Variants in PLA2R1 observed in about 807,000 individuals in gnomAD.
PLA2R1 encodes secretory phospholipase A2 receptor.
A neutral mutation model predicts 195.9 loss-of-function variants in PLA2R1; 158 were observed. The observed-to-expected ratio is 0.81, with a 90% CI of 0.71 to 0.92. PLA2R1 has a LOEUF of 0.92. Ranked by LOEUF, PLA2R1 falls within the 40% of genes least tolerant of loss-of-function variation. PLA2R1 has a pLI of 0.00. For synonymous variants in PLA2R1, 586 were observed against 598.2 expected, an observed-to-expected ratio of 0.98 and a Z score of 0.30; for missense variants, 1,626 against 1,764.6, an observed-to-expected ratio of 0.92 and a Z score of 1.41.
At chr2:160,041,569 C>T (rs1056194126) in intron 3 of PLA2R1, among the ~76,000 whole-genome samples, 1 of 152,138 alleles carries the variant, frequency 6.6e-6, no homozygotes, top group African/African-American at 2.4e-5. Flanking sequence ...TTAGAAAGAT[C>T]ATCAAGGGGC....
At position 159,933,460 on chromosome 2, in the gene PLA2R1, T is replaced by G. The variant is rs1288826406; in HGVS notation, c.*8318A>C. On this transcript the variant is annotated 3_prime_UTR_variant, in exon 30 of 30. Transcript: ENST00000283243. ...CTAACATTTCCTACAATTTAATACA[T>G]ATCACTTATCTTGTTAAGCCTTTCT... 6.6e-6 allele frequency: 1 copy of G among 152,194 alleles called. No individual in the cohort carries two copies. The highest frequency in any genetic ancestry group is 1.9e-4 in the East Asian group (1 of 5,196). 9.4% of individuals were successfully genotyped at this position (152,194 alleles called of 1,614,324 possible).
Position 160,033,062 on chromosome 2 carries a change from G to T in PLA2R1, c.738C>A (p.Asn246Lys). The part of the protein sequence containing the change: ...DLNSHICYQF[N>K]LLSSLSWSEA... ...CACTCCAAGAGAGAGATGAAAGCAG[G>T]TTGAACTGGTAGCAAATGTGTGAAT... Residue 246 changes from asparagine (N) to lysine (K), a missense_variant, in exon 4 of 30, where the codon AAC becomes AAA. Coordinates refer to ENST00000283243, the MANE Select transcript of PLA2R1 (RefSeq NM_007366.5). 3 of 1,613,394 alleles carry T rather than the reference G, an allele frequency of 1.9e-6. No individual in the cohort carries two copies. The highest frequency in any genetic ancestry group is 1.7e-6 in the Non-Finnish European group (2 of 1,179,518).
intron 12 of PLA2R1, among the ~76,000 whole-genome samples, chr2:159,986,589 CT>C (rs113333927): frequency 0.056 from 7,900 of 142,098 alleles, 212 homozygotes; most frequent in Non-Finnish European, 0.074. Context: ...CTTTTCTTTC[CT>C]TTTTTTTTTT....
At chr2:160,030,010 G>A (rs777320626) in intron 4 of PLA2R1, among the ~76,000 whole-genome samples, 2 of 152,124 alleles carry the variant, frequency 1.3e-5, no homozygotes, top group Non-Finnish European at 2.9e-5. Flanking sequence ...GAAAACTCAT[G>A]GTTCATGCTG....
chr2:160,061,615 A>T (rs2105734449), intron 1 of PLA2R1, among the ~76,000 whole-genome samples: 1 of 152,164 alleles, frequency 6.6e-6, no homozygotes, highest in East Asian at 1.9e-4. Context: ...CTCCACCAAA[A>T]ATACAAAAAT....
chr2:159,996,405 T>C (rs972531627), intron 11 of PLA2R1, among the ~76,000 whole-genome samples: 10 of 152,132 alleles, frequency 6.6e-5, no homozygotes, highest in South Asian at 2.1e-4. Flanking sequence ...AGCAGTCAGA[T>C]ATAATTCTAA....
At chr2:159,973,866 A>C (rs1689358275) in intron 17 of PLA2R1, among the ~76,000 whole-genome samples, 1 of 152,104 alleles carries the variant, frequency 6.6e-6, no homozygotes, top group African/African-American at 2.4e-5. Context: ...ATTTTGCCAT[A>C]TAAGGCACCA....
intron 1 of PLA2R1, among the ~76,000 whole-genome samples, chr2:160,045,986 C>T (rs34248629): frequency 0.3 from 45,913 of 152,138 alleles, 8,728 homozygotes; most frequent in Non-Finnish European, 0.42. Flanking sequence ...GTGAGTTTCC[C>T]GTGGAAAAGC....
chr2:159,976,612 A>G (rs1689573353), intron 16 of PLA2R1, 73 bp downstream of exon 16: 2 of 908,966 alleles, frequency 2.2e-6, no homozygotes, highest in Non-Finnish European at 3.6e-6. Flanking sequence ...ACAACACATT[A>G]ATGGTATATA....
chr2:160,013,449 C>G, intron 9 of PLA2R1, 74 bp from the exon 10 acceptor site: 1 of 773,012 alleles, frequency 1.3e-6, no homozygotes, highest in South Asian at 1.7e-5. Context: ...TTTGCATACT[C>G]TTTTACCACC....
chr2:159,985,218 G>A lies in PLA2R1; in HGVS notation c.2038-1145C>T, dbSNP rs941895028. On this transcript the variant is annotated intron_variant, in intron 12 of 29. Coordinates refer to ENST00000283243, the MANE Select transcript of PLA2R1 (RefSeq NM_007366.5). ...TCTAAGGTTTAACTTATTAATGGGC[G>A]AGGCCACTTTTGGGCCTATTATTCT... 2.0e-5 allele frequency among the ~76,000 whole-genome samples: 3 copies of A among 152,184 alleles called. 1 individual carries two copies. Among genetic ancestry groups the A allele is most frequent in the East Asian group, 1.9e-4 (1 of 5,200 alleles).
chr2:160,036,215 C>T (rs1694154970), intron 3 of PLA2R1, among the ~76,000 whole-genome samples: 1 of 152,202 alleles, frequency 6.6e-6, no homozygotes, highest in African/African-American at 2.4e-5. Flanking sequence ...CACATCTCTA[C>T]ATAACTGACT....
In PLA2R1 at chr2:160,028,448, C is replaced by T. The variant is rs115285905; in HGVS notation, c.956-87G>A. On this transcript the variant is annotated intron_variant, in intron 5 of 29. Transcript: ENST00000283243. ...AAATGTGGTTTTCAGCATCGGGGGA[C>T]AGCGTTTCTATTTGTCATATATAGT... is the stretch of plus-strand genomic sequence containing the variant. The T allele has an allele frequency of 1.1e-3, 995 of 928,530 alleles. 6 individuals are homozygous for T. In the African/African-American group the frequency reaches 0.015, roughly 14 times the overall value. 57.5% of individuals were successfully genotyped at this position (928,530 alleles called of 1,614,324 possible). A position where few individuals can be genotyped will look rare whatever the true frequency, so the allele number is the denominator to read the frequency against.
rs576246155 is a variant in PLA2R1 at position 159,935,849 on chromosome 2, C to A, written c.*5929G>T. The A allele has an allele frequency of 2.6e-5, 4 of 151,952 alleles. No homozygotes were observed. Among genetic ancestry groups the A allele is most frequent in the African/African-American group, 7.3e-5 (3 of 41,378 alleles). The allele number at this position is 151,952 out of a possible 1,614,324, so 9.4% of individuals were successfully genotyped here. A position where few individuals can be genotyped will look rare whatever the true frequency, so the allele number is the denominator to read the frequency against. On this transcript the variant is annotated 3_prime_UTR_variant, in exon 30 of 30. Coordinates refer to ENST00000283243, the MANE Select transcript of PLA2R1 (RefSeq NM_007366.5). The stretch of plus-strand genomic sequence containing the variant: ...TTGTATTTCCATTCCAACTCCCCCA[C>A]AGAATTTTATCCTAATGAGATATAC...
downstream of PLA2R1, among the ~76,000 whole-genome samples, chr2:159,927,853 A>G (rs1686523635): frequency 6.6e-6 from 1 of 152,192 alleles, no homozygotes; most frequent in Non-Finnish European, 1.5e-5. Flanking sequence ...GGGAATCATG[A>G]GATTAGTTCT....
rs1462509966 is a variant in PLA2R1 at position 160,016,448 on chromosome 2, G to GA, written c.1551+165dup. ...AGCAAGACAACATTTCTCAGGACAG[G>GA]AAAAAAAAGAGGAAAGGAAAGAAGG... On this transcript the variant is annotated intron_variant, in intron 9 of 29. Coordinates refer to ENST00000283243, the MANE Select transcript of PLA2R1 (RefSeq NM_007366.5). 1.5e-3 allele frequency among the ~76,000 whole-genome samples: 201 copies of GA among 130,080 alleles called. 1 individual carries two copies. The highest frequency in any genetic ancestry group is 5.4e-3 in the African/African-American group (191 of 35,156). 85.3% of individuals were successfully genotyped at this position (130,080 alleles called of 152,430 possible).
intron 17 of PLA2R1, 43 bp downstream of exon 17, chr2:159,976,025 G>A (rs1337412188): frequency 2.0e-6 from 3 of 1,500,718 alleles, no homozygotes; most frequent in Non-Finnish European, 2.8e-6. Flanking sequence ...GCAAAAGAAG[G>A]TGCTAAACTC....
In PLA2R1 at chr2:159,975,892, T is replaced by A. The variant is rs541644863; in HGVS notation, c.2595+176A>T. Among the ~76,000 whole-genome samples the A allele has an allele frequency of 5.9e-5, 9 of 152,242 alleles. No individual in the cohort carries two copies. The East Asian group carries it at 1.2e-3, about 20-fold the overall frequency. ...CTGTACCTCCATTATTTTCTCTTAA[T>A]CTCTATAATAGGAAAAAAATTCTCA... On this transcript the variant is annotated intron_variant, in intron 17 of 29. Transcript: ENST00000283243.
At chr2:159,945,871 A>ATT (rs1355304818) in intron 27 of PLA2R1, 2 of 893,482 alleles carry the variant, frequency 2.2e-6, no homozygotes, top group African/African-American at 3.6e-5. Flanking sequence ...TTAGGTTATC[A>ATT]TGTTTCTTAA....
Sources: allele counts gnomAD v4.1 joint callset (sites outside exome capture counted in the v4.1 genomes callset), GRCh38; gene constraint gnomAD v4.1.1; transcripts MANE v1.5; gene names NCBI Gene and HGNC (gene_info 2026-07-23, HGNC 2026-07-21).